The following N4BP2L2 variants were observed in gnomAD, a reference collection of about 807,000 sequenced individuals.
N4BP2L2 encodes NEDD4 binding protein 2 like 2, also known as NEDD4-binding protein 2-like 2.
N4BP2L2 carries 50 observed loss-of-function variants against 56.2 expected under a neutral mutation model. The observed-to-expected ratio is 0.89, with a 90% CI of 0.71 to 1.13. The LOEUF is 1.13. N4BP2L2 is among the 50% of genes most tolerant of loss of function. The pLI, the probability that N4BP2L2 is intolerant of heterozygous loss-of-function variation, is 0.00. For missense variants in N4BP2L2, 689 were observed against 693.8 expected, an observed-to-expected ratio of 0.99 and a Z score of 0.08; for synonymous variants, 203 against 223.6, an observed-to-expected ratio of 0.91 and a Z score of 0.82.
chr13:32,536,485 C>A (rs770554525), exon 2 of N4BP2L2: 46 of 1,612,358 alleles, frequency 2.9e-5, no homozygotes, highest in Non-Finnish European at 6.8e-6. Flanking sequence ...CCTTTTCAAG[C>A]TCTTCAATTT....
At chr13:32,465,045 C>T (rs532086101) in intron 6 of N4BP2L2, among the ~76,000 whole-genome samples, 23 of 152,058 alleles carry the variant, frequency 1.5e-4, no homozygotes, top group Non-Finnish European at 2.9e-4. Context: ...CGGCTCACTG[C>T]AACCTCTGCC....
exon 6 of N4BP2L2, chr13:32,513,403 T>G (rs1208448927): frequency 6.6e-6 from 1 of 152,202 alleles, no homozygotes; most frequent in Admixed American, 6.5e-5. Flanking sequence ...TACTACTTCT[T>G]ACCAGCCTAA....
At chr13:32,501,840 C>CAA (rs796268652) in intron 6 of N4BP2L2, among the ~76,000 whole-genome samples, 3 of 124,262 alleles carry the variant, frequency 2.4e-5, no homozygotes, top group East Asian at 2.3e-4. Flanking sequence ...GACTCTGTCT[C>CAA]AAAAAAAAAA....
At chr13:32,520,713 A>AT (rs1221036004) in intron 5 of N4BP2L2, among the ~76,000 whole-genome samples, 24 of 152,082 alleles carry the variant, frequency 1.6e-4, no homozygotes, top group Non-Finnish European at 8.8e-5. Context: ...AAACACAGTG[A>AT]TATGAAGGGA....
chr13:32,516,215 A>G (rs2049177917), exon 6 of N4BP2L2: 1 of 152,218 alleles, frequency 6.6e-6, no homozygotes, highest in African/African-American at 2.4e-5. Flanking sequence ...CCAAACACCA[A>G]CAAGTATTAC....
exon 7 of N4BP2L2, chr13:32,443,965 C>T: frequency 6.2e-7 from 1 of 1,605,352 alleles, no homozygotes; most frequent in Non-Finnish European, 8.5e-7. Flanking sequence ...TTCCTCTTCA[C>T]TCTGAGATGG....
chr13:32,444,949 T>C (rs1424340928), intron 6 of N4BP2L2, among the ~76,000 whole-genome samples: 1 of 152,186 alleles, frequency 6.6e-6, no homozygotes, highest in African/African-American at 2.4e-5. Flanking sequence ...AGTATTTGTG[T>C]ATATAAACAT....
At chr13:32,435,126 A>G (rs747113521) in intron 9 of N4BP2L2, among the ~76,000 whole-genome samples, 11 of 152,212 alleles carry the variant, frequency 7.2e-5, no homozygotes, top group African/African-American at 1.7e-4. Context: ...TCCTTGCCCA[A>G]CATGCTATGG....
In N4BP2L2 at chr13:32,443,694, GTT is replaced by G. The variant is rs1566024978; in HGVS notation, c.796_797del (p.Asn266ProfsTer7). On this transcript the variant is annotated frameshift_variant, in exon 7 of 10. Coordinates refer to the N4BP2L2 transcript ENST00000357505. LOFTEE classifies it high-confidence loss of function. Reference sequence around the variant, plus strand: ...AGTCATCAGTTGTTACACAGGAAAGGTTTTGAGTCAGTATTGGACAAGTAACG... The same window carrying G: ...AGTCATCAGTTGTTACACAGGAAAGGTTGAGTCAGTATTGGACAAGTAACG... The G allele has an allele frequency of 6.2e-7, 1 of 1,603,332 alleles. No individual in the cohort carries two copies. Among genetic ancestry groups the G allele is most frequent in the Non-Finnish European group, 8.5e-7 (1 of 1,176,444 alleles).
chr13:32,449,530 T>C lies in N4BP2L2; in HGVS notation c.366-5404A>G, dbSNP rs369287689. On this transcript the variant is annotated intron_variant, in intron 6 of 9. Transcript: ENST00000357505. ...TGCTGAATAAATACATATAAAAACA[T>C]GTATTTTAAGTTCAAATAAAATGTT... is the stretch of plus-strand genomic sequence containing the variant. Among the ~76,000 whole-genome samples the C allele has an allele frequency of 6.6e-5, 10 of 152,306 alleles. No individual in the cohort carries two copies. In the East Asian group the frequency reaches 1.2e-3, roughly 18 times the overall value.
chr13:32,460,966 A>C (rs968262250), intron 6 of N4BP2L2, among the ~76,000 whole-genome samples: 5 of 152,212 alleles, frequency 3.3e-5, no homozygotes, highest in African/African-American at 1.2e-4. Context: ...CCATGTATTT[A>C]CAGCCAAATG....
chr13:32,521,283 C>T, intron 5 of N4BP2L2, 90 bp downstream of exon 5: 2 of 1,044,514 alleles, frequency 1.9e-6, no homozygotes, highest in Admixed American at 2.1e-5. Context: ...CCTGAACCTA[C>T]ATTTGTATTC....
At chr13:32,489,045 C>A (rs2086507925) in intron 6 of N4BP2L2, among the ~76,000 whole-genome samples, 1 of 152,146 alleles carries the variant, frequency 6.6e-6, no homozygotes, top group South Asian at 2.1e-4. Context: ...TGCACTCCAG[C>A]CCGGGTGACA....
intron 6 of N4BP2L2, among the ~76,000 whole-genome samples, chr13:32,445,157 AG>A (rs1175440300): frequency 6.6e-6 from 1 of 152,204 alleles, no homozygotes; most frequent in Non-Finnish European, 1.5e-5. Context: ...AGCCAGAGAC[AG>A]GACAATCACT....
exon 2 of N4BP2L2, chr13:32,536,709 G>A (rs1030179933): frequency 1.9e-6 from 3 of 1,613,988 alleles, no homozygotes; most frequent in East Asian, 2.2e-5. Flanking sequence ...ACTAATGGAG[G>A]ACGTGCTTCC....
intron 3 of N4BP2L2, 45 bp from the exon 4 acceptor site, chr13:32,522,315 A>T (rs1378484784): frequency 8.0e-7 from 1 of 1,244,986 alleles, no homozygotes; most frequent in Non-Finnish European, 1.1e-6. Context: ...AAATTAGGTT[A>T]AAACACACAA....
At chr13:32,505,842 C>T (rs2090860177), downstream of N4BP2L2, 1 of 152,206 alleles carries the variant, frequency 6.6e-6, no homozygotes, top group Non-Finnish European at 1.5e-5. Context: ...ATTTTCTAAG[C>T]TTCACCAGAA....
chr13:32,464,693 A>C (rs1467196415), intron 6 of N4BP2L2, among the ~76,000 whole-genome samples: 1 of 152,218 alleles, frequency 6.6e-6, no homozygotes, highest in East Asian at 1.9e-4. Flanking sequence ...TCTAGAGTGT[A>C]TTCTCTCTTC....
intron 7 of N4BP2L2, among the ~76,000 whole-genome samples, chr13:32,440,297 T>C (rs547038956): frequency 3.3e-5 from 5 of 152,066 alleles, no homozygotes; most frequent in Admixed American, 6.6e-5. Context: ...CTGAGAGGTA[T>C]AGAACAACAG....
Sources: gnomAD v4.1 joint callset for allele counts (sites outside exome capture counted in the v4.1 genomes callset) on GRCh38, gnomAD v4.1.1 for gene constraint, MANE v1.5 for transcripts, NCBI Gene and HGNC (gene_info 2026-07-23, HGNC 2026-07-21) for gene names.